SLC38A12: variants seen among roughly 807,000 people sequenced by gnomAD.
SLC38A12 encodes putative sodium-coupled neutral amino acid transporter 12.
chr17:74,828,834 C>T, the SLC38A12 span, among the ~76,000 whole-genome samples: 3 of 152,082 alleles, frequency 2.0e-5, no homozygotes, highest in Non-Finnish European at 2.9e-5. Context: ...AGTGAGGAGT[C>T]CTGGACCAAG....
At chr17:74,795,732 A>T in the SLC38A12 span, 1 of 913,842 alleles carries the variant, frequency 1.1e-6, no homozygotes, top group Non-Finnish European at 1.7e-6. Flanking sequence ...TTCCCCAGAG[A>T]GGAGGATCTA....
the SLC38A12 span, among the ~76,000 whole-genome samples, chr17:74,787,546 C>T: frequency 1.9e-4 from 29 of 150,970 alleles, no homozygotes; most frequent in Non-Finnish European, 3.4e-4. Context: ...GGCGTGAACC[C>T]GGGAAGCGGA....
chr17:74,776,778 C>A, the SLC38A12 span, among the ~76,000 whole-genome samples: 17 of 151,936 alleles, frequency 1.1e-4, no homozygotes, highest in Non-Finnish European at 1.8e-4. Flanking sequence ...GGAGTGGAGG[C>A]CCCATTAAAA....
chr17:74,837,771 CT>C, the SLC38A12 span: 3 of 985,814 alleles, frequency 3.0e-6, no homozygotes, highest in Non-Finnish European at 3.6e-6. Flanking sequence ...ACTTGCTGGG[CT>C]GGCCTCCTGG....
At chr17:74,836,097 C>G in the SLC38A12 span, 1 of 1,613,842 alleles carries the variant, frequency 6.2e-7, no homozygotes, top group Non-Finnish European at 8.5e-7. This position sits in a 1 kb window ranked among gnomAD's most constrained non-coding sequence, Gnocchi z 4.2. Context: ...CTCCTCCAAG[C>G]GCCACCTCAC....
the SLC38A12 span, among the ~76,000 whole-genome samples, chr17:74,807,799 C>T: frequency 5.1e-4 from 77 of 152,334 alleles, no homozygotes; most frequent in Non-Finnish European, 9.0e-4. Flanking sequence ...CTGTTCCTCA[C>T]GTCCCACAGC....
At chr17:74,785,216 G>A in the SLC38A12 span, among the ~76,000 whole-genome samples, 1 of 152,210 alleles carries the variant, frequency 6.6e-6, no homozygotes, top group East Asian at 1.9e-4. Flanking sequence ...AGGAGGGGAC[G>A]GCAATGATGA....
the SLC38A12 span, among the ~76,000 whole-genome samples, chr17:74,799,733 T>A: frequency 6.6e-6 from 1 of 152,200 alleles, no homozygotes; most frequent in Non-Finnish European, 1.5e-5. Flanking sequence ...CAGGATTCCA[T>A]CTTGGCCTCC....
chr17:74,807,421 C>T, the SLC38A12 span, among the ~76,000 whole-genome samples: 17 of 152,366 alleles, frequency 1.1e-4, no homozygotes, highest in Middle Eastern at 3.4e-3. Context: ...TACAGGTGGA[C>T]GCCACTGCTG....
At chr17:74,804,897 A>T in the SLC38A12 span, among the ~76,000 whole-genome samples, 1 of 152,192 alleles carries the variant, frequency 6.6e-6, no homozygotes, top group Non-Finnish European at 1.5e-5. Flanking sequence ...GTCTCTGGGA[A>T]CACTTCCCAG....
chr17:74,822,108 A>T, the SLC38A12 span, among the ~76,000 whole-genome samples: 1 of 152,200 alleles, frequency 6.6e-6, no homozygotes, highest in Non-Finnish European at 1.5e-5. Context: ...AAAGATTGTA[A>T]AAAGGAGAAG....
chr17:74,838,679 T>A, the SLC38A12 span: 1 of 1,419,758 alleles, frequency 7.0e-7, no homozygotes. Context: ...GTCCTCCTGC[T>A]GTAAGTCAGA....
chr17:74,811,058 C>T, the SLC38A12 span, among the ~76,000 whole-genome samples: 3 of 152,156 alleles, frequency 2.0e-5, no homozygotes, highest in Non-Finnish European at 2.9e-5. Flanking sequence ...GGCTGGGCAC[C>T]GTGGCTTACG....
At chr17:74,838,766 A>T in the SLC38A12 span, 1 of 1,471,206 alleles carries the variant, frequency 6.8e-7, no homozygotes, top group Non-Finnish European at 9.0e-7. Flanking sequence ...GGGGCAGAGA[A>T]CCCCAACAGC....
chr17:74,828,571 A>G, the SLC38A12 span, among the ~76,000 whole-genome samples: 1 of 152,184 alleles, frequency 6.6e-6, no homozygotes, highest in Non-Finnish European at 1.5e-5. Flanking sequence ...ATGGCTCCCA[A>G]GAGCCTCTGT....
the SLC38A12 span, among the ~76,000 whole-genome samples, chr17:74,781,107 C>T: frequency 6.6e-6 from 1 of 152,128 alleles, no homozygotes; most frequent in Non-Finnish European, 1.5e-5. Flanking sequence ...AAACATCCCA[C>T]AATGCACAGG....
chr17:74,837,641 C>T, the SLC38A12 span: 18 of 985,422 alleles, frequency 1.8e-5, no homozygotes, highest in African/African-American at 7.0e-5. Flanking sequence ...AGGGGCTGAG[C>T]GTGGGTGCTC....
At chr17:74,781,961 C>T in the SLC38A12 span, among the ~76,000 whole-genome samples, 3 of 152,226 alleles carry the variant, frequency 2.0e-5, no homozygotes, top group Non-Finnish European at 4.4e-5. Context: ...TCTCCCTCGT[C>T]TATTGCCTGG....
At chr17:74,832,790 T>A in the SLC38A12 span, among the ~76,000 whole-genome samples, 2 of 152,208 alleles carry the variant, frequency 1.3e-5, no homozygotes, top group African/African-American at 4.8e-5. Flanking sequence ...TTTCTAACAC[T>A]CTGGAATCAC....
Sources: gnomAD v4.1 joint callset for allele counts (sites outside exome capture counted in the v4.1 genomes callset) on GRCh38, gnomAD v4.1.1 for gene constraint, Gnocchi (gnomAD v3.1) non-coding constraint, MANE v1.5 for transcripts, NCBI Gene and HGNC (gene_info 2026-07-23, HGNC 2026-07-21) for gene names.